The following BCL6 variants were observed in gnomAD, a reference collection of about 807,000 sequenced individuals.
BCL6 encodes the protein B-cell lymphoma 6 protein.
A neutral mutation model predicts 59.5 loss-of-function variants in BCL6; 7 were observed. The ratio of observed to expected loss-of-function variants is 0.12; its 90% CI spans 0.07 to 0.22. BCL6 has a LOEUF of 0.22. BCL6 is among the 10% of genes least tolerant of loss of function. The pLI is 1.00. For missense variants in BCL6, 685 were observed against 939.4 expected, an observed-to-expected ratio of 0.73 and a Z score of 3.54; for synonymous variants, 339 against 349.7, an observed-to-expected ratio of 0.97 and a Z score of 0.34.
At position 187,725,694 on chromosome 3, in the gene BCL6, G is replaced by T; in HGVS notation, c.1709-65C>A. ...ATAAGGAAGGTCTCTGCAGTCCGTG[G>T]CTCCTGGATTTCTAAGCAGCCTGCT... On this transcript the variant is annotated intron_variant, in intron 7 of 9. Transcript: ENST00000406870. The surrounding 1 kb of genome is among the most constrained non-coding windows in gnomAD (Gnocchi z 4.7). 1.3e-6 allele frequency: 2 copies of T among 1,593,532 alleles called. No individual in the cohort carries two copies. Among genetic ancestry groups the T allele is most frequent in the South Asian group, 1.1e-5 (1 of 89,764 alleles).
intron 1 of BCL6, among the ~76,000 whole-genome samples, chr3:187,739,709 G>T (rs1401589648): frequency 1.3e-5 from 2 of 152,140 alleles, no homozygotes; most frequent in Non-Finnish European, 2.9e-5. Flanking sequence ...TTCCAGAAGG[G>T]CCCGAAGACA....
chr3:187,722,158 T>G lies in BCL6; in HGVS notation c.*300A>C. On this transcript the variant is annotated 3_prime_UTR_variant, in exon 10 of 10. Transcript: ENST00000406870. ...CAGACTAAAGTCAAGTCAGAACTTT[T>G]GCATACTCCCCTGCTTTGACATATA... 1 of 288,622 alleles carries G rather than the reference T, an allele frequency of 3.5e-6. No individual in the cohort carries two copies. The highest frequency in any genetic ancestry group is 6.4e-6 in the Non-Finnish European group (1 of 155,104). 17.9% of individuals were successfully genotyped at this position (288,622 alleles called of 1,614,324 possible).
At chr3:187,745,063 C>G (rs889838203) in intron 1 of BCL6, among the ~76,000 whole-genome samples, 3 of 151,916 alleles carry the variant, frequency 2.0e-5, no homozygotes, top group South Asian at 2.1e-4. Flanking sequence ...AAAACCAAAA[C>G]AACACAAGGG....
At chr3:187,745,050 C>T (rs1424306274) in intron 1 of BCL6, among the ~76,000 whole-genome samples, 3 of 152,030 alleles carry the variant, frequency 2.0e-5, no homozygotes, top group Admixed American at 6.6e-5. Flanking sequence ...CACCTCCTTT[C>T]CAAAAACCAA....
chr3:187,733,482 G>C (rs749738550), intron 3 of BCL6, 51 bp downstream of exon 3: 9 of 1,593,472 alleles, frequency 5.6e-6, no homozygotes, highest in Non-Finnish European at 7.7e-6. Context: ...TTGGCTGCCA[G>C]CACCATCACC....
chr3:187,728,895 A>C (rs2108464073), intron 5 of BCL6, among the ~76,000 whole-genome samples, 155 bp downstream of exon 5: 1 of 152,250 alleles, frequency 6.6e-6, no homozygotes, highest in Middle Eastern at 3.4e-3. Context: ...ACACTACTTA[A>C]GTGTAAAATA....
At chr3:187,727,580 A>G (rs1170941830) in intron 6 of BCL6, among the ~76,000 whole-genome samples, 1 of 152,238 alleles carries the variant, frequency 6.6e-6, no homozygotes, top group African/African-American at 2.4e-5. Flanking sequence ...GCCCAGAGAA[A>G]AAGAACTGGA....
At chr3:187,733,324 C>A (rs1719135134) in intron 3 of BCL6, among the ~76,000 whole-genome samples, 1 of 152,050 alleles carries the variant, frequency 6.6e-6, no homozygotes, top group African/African-American at 2.4e-5. Context: ...GCCCACAGAA[C>A]GTGGCTCTTT....
chr3:187,742,180 G>A lies in BCL6; in HGVS notation c.-50+3230C>T, dbSNP rs1711626397. Among the ~76,000 whole-genome samples the A allele has an allele frequency of 2.0e-5, 3 of 152,068 alleles. 1 individual carries two copies. The South Asian group carries it at 6.2e-4, about 32-fold the overall frequency. The stretch of plus-strand genomic sequence containing the variant: ...TTTCAAAAATTGACTTTTGCCAATA[G>A]TTTCACCCACCGAGGGGTGGCGCTG... On this transcript the variant is annotated intron_variant, in intron 1 of 9. Transcript: ENST00000406870.
At chr3:187,743,260 A>G (rs1711680410) in intron 1 of BCL6, among the ~76,000 whole-genome samples, 3 of 152,044 alleles carry the variant, frequency 2.0e-5, no homozygotes, top group South Asian at 2.1e-4. Context: ...AAAGCGTTAC[A>G]AGACTTTCCT....
At chr3:187,723,964 T>C (rs1718544180) in intron 9 of BCL6, among the ~76,000 whole-genome samples, 1 of 152,244 alleles carries the variant, frequency 6.6e-6, no homozygotes, top group African/African-American at 2.4e-5. Flanking sequence ...GATACTATTT[T>C]CAAACTCACT....
rs1355692033 is a variant in BCL6, at chr3:187,729,641, T to C, written c.764A>G (p.His255Arg). ...TTCCTTGGGTGAATAGATATTGCTGTGGCACACATTGGGGGACACCTCCAA... is the reference window on the plus strand; with the variant it reads ...TTCCTTGGGTGAATAGATATTGCTGCGGCACACATTGGGGGACACCTCCAA... The part of the protein sequence containing the change: ...PTLEVSPNVC[H>R]SNIYSPKETI... Residue 255 changes from histidine (H) to arginine (R), a missense_variant, in exon 5 of 10, where the codon CAC becomes CGC. His to Arg is a conservative substitution (Grantham distance 29). Transcript: ENST00000406870. The surrounding 1 kb of genome is among the most constrained non-coding windows in gnomAD (Gnocchi z 5.6). 2 of 1,614,042 alleles carry C rather than the reference T, an allele frequency of 1.2e-6. No homozygotes were observed. Among genetic ancestry groups the C allele is most frequent in the Non-Finnish European group, 1.7e-6 (2 of 1,180,038 alleles).
intron 1 of BCL6, among the ~76,000 whole-genome samples, chr3:187,743,559 T>C (rs2108482014): frequency 6.6e-6 from 1 of 152,306 alleles, no homozygotes. Context: ...TGGTTGTGTT[T>C]TTGTTTTCCA....
In BCL6 at chr3:187,721,957, T is replaced by TA; in HGVS notation, c.*500_*501insT. Reference sequence around the variant, plus strand: ...CTTTTTTAGGTTTATATATATTTATTTTATATATATATATATTTATATATT... The same window carrying TA: ...CTTTTTTAGGTTTATATATATTTATTATTATATATATATATATTTATATATT... On this transcript the variant is annotated 3_prime_UTR_variant, in exon 10 of 10. Coordinates refer to ENST00000406870, the MANE Select transcript of BCL6 (RefSeq NM_001706.5). This position sits in a 1 kb window ranked among gnomAD's most constrained non-coding sequence, Gnocchi z 4.2. The TA allele has an allele frequency of 1.4e-5, 2 of 143,166 alleles. No individual in the cohort carries two copies. The highest frequency in any genetic ancestry group is 9.4e-5 in the Admixed American group (1 of 10,654). 8.9% of individuals were successfully genotyped at this position (143,166 alleles called of 1,614,324 possible). A position where few individuals can be genotyped will look rare whatever the true frequency, so the allele number is the denominator to read the frequency against.
intron 4 of BCL6, among the ~76,000 whole-genome samples, chr3:187,730,498 C>T (rs1389320969): frequency 6.6e-6 from 1 of 152,210 alleles, no homozygotes; most frequent in Non-Finnish European, 1.5e-5. Context: ...GAGGATCATA[C>T]ACAAACGAGT....
Position 187,724,947 on chromosome 3 carries a change from A to G in BCL6, c.1971T>C (p.Pro657=), listed in dbSNP as rs747647309. The G allele has an allele frequency of 9.3e-6, 15 of 1,614,060 alleles. No homozygotes were observed. In the East Asian group the frequency reaches 2.9e-4, roughly 31 times the overall value. Residue 657 remains proline (P), a synonymous_variant, in exon 9 of 10, where the codon CCT becomes CCC. Coordinates refer to ENST00000406870, the MANE Select transcript of BCL6 (RefSeq NM_001706.5). ...CCTCAAGAGGCTTACGTACATGGTA[A>G]GGTTTCTCTCCTGTGTGGATTCGCA... ...SHLRIHTGEK[P]YHCEKCNLHF...
At chr3:187,723,088 C>A (rs988172045) in intron 9 of BCL6, among the ~76,000 whole-genome samples, 1 of 152,192 alleles carries the variant, frequency 6.6e-6, no homozygotes, top group Non-Finnish European at 1.5e-5. Flanking sequence ...TAGGACCTCA[C>A]AGAATATACC....
Position 187,725,587 on chromosome 3 carries a change from T to C in BCL6, c.1751A>G (p.Asn584Ser). ...GTGGGTTTTCAGGTTGGCTGGCCGG[T>C]TGAACTGGGCCCCACAGATGTTGCA... ...YRCNICGAQFNRPANLKTHTR... is the reference protein window; with the variant it reads ...YRCNICGAQFSRPANLKTHTR... The change falls in exon 8 of 10, where the codon AAC becomes AGC. Residue 584 changes from asparagine to serine, a missense_variant. By Grantham distance (46) the Asn-to-Ser change is conservative. Transcript: ENST00000406870. This position sits in a 1 kb window ranked among gnomAD's most constrained non-coding sequence, Gnocchi z 4.7. 1 of 1,614,180 alleles carries C rather than the reference T, an allele frequency of 6.2e-7. No individual in the cohort carries two copies. Among genetic ancestry groups the C allele is most frequent in the Non-Finnish European group, 8.5e-7 (1 of 1,180,042 alleles).
chr3:187,744,678 A>T (rs554442917), intron 1 of BCL6, among the ~76,000 whole-genome samples: 2 of 152,166 alleles, frequency 1.3e-5, no homozygotes, highest in Admixed American at 6.5e-5. Context: ...GGCCGATGGA[A>T]GAGAGCCAGC....
Sources: gnomAD v4.1 joint callset for allele counts (sites outside exome capture counted in the v4.1 genomes callset) on GRCh38, gnomAD v4.1.1 for gene constraint, Gnocchi (gnomAD v3.1) non-coding constraint, MANE v1.5 for transcripts, NCBI Gene and HGNC (gene_info 2026-07-23, HGNC 2026-07-21) for gene names.